The following TTC3 variants were observed in gnomAD, a reference collection of about 807,000 sequenced individuals.
TTC3 encodes E3 ubiquitin-protein ligase TTC3.
TTC3 carries 180 observed loss-of-function variants against 249.6 expected under a neutral mutation model. The ratio of observed to expected loss-of-function variants is 0.72; its 90% CI spans 0.64 to 0.82. The LOEUF (loss-of-function observed/expected upper bound fraction) is 0.82, where lower values mean the gene tolerates loss of function less well. TTC3 is among the 40% of genes least tolerant of loss of function. TTC3 has a pLI of 0.00. For missense variants in TTC3, 2,061 were observed against 2,398.4 expected (o/e 0.86, Z 2.94); for synonymous variants, 717 against 805.0 (o/e 0.89, Z 1.85).
chr21:37,189,533 C>T (rs887108583), intron 39 of TTC3, among the ~76,000 whole-genome samples: 42 of 149,400 alleles, frequency 2.8e-4, no homozygotes, highest in African/African-American at 9.2e-4. Context: ...CATGAGCCAC[C>T]GTACCTGGCC....
chr21:37,176,859 A>T (rs1467762523), intron 35 of TTC3, among the ~76,000 whole-genome samples: 1 of 152,226 alleles, frequency 6.6e-6, no homozygotes, highest in Non-Finnish European at 1.5e-5. Context: ...GTTCTCCCTT[A>T]AGAGAAGGTC....
At chr21:37,183,164 A>G (rs996118823) in intron 36 of TTC3, among the ~76,000 whole-genome samples, 16 of 152,226 alleles carry the variant, frequency 1.1e-4, no homozygotes, top group Non-Finnish European at 1.6e-4. Flanking sequence ...AGAATCCCCA[A>G]GGAACTGACT....
intron 26 of TTC3, among the ~76,000 whole-genome samples, chr21:37,152,750 A>G (rs1055226505): frequency 2.6e-5 from 4 of 152,182 alleles, no homozygotes; most frequent in African/African-American, 7.2e-5. Context: ...TACTTTTGGT[A>G]TGTTTATTTT....
intron 20 of TTC3, among the ~76,000 whole-genome samples, chr21:37,144,317 C>T (rs1280248949): frequency 7.2e-5 from 11 of 152,026 alleles, no homozygotes; most frequent in South Asian, 2.1e-4. Flanking sequence ...GTGTCCAAGA[C>T]GAGTTGTGTT....
intron 36 of TTC3, 48 bp downstream of exon 36, chr21:37,182,961 G>A: frequency 7.1e-7 from 1 of 1,412,218 alleles, no homozygotes; most frequent in Non-Finnish European, 9.4e-7. Context: ...AAAAAATATT[G>A]TGGCTTTTGG....
intron 21 of TTC3, among the ~76,000 whole-genome samples, chr21:37,147,280 T>C (rs1569050674): frequency 6.6e-6 from 1 of 152,226 alleles, no homozygotes; most frequent in Non-Finnish European, 1.5e-5. Context: ...CAGTCCTCTT[T>C]TTAAATCTCT....
chr21:37,090,160 C>A, intron 5 of TTC3, 73 bp from the exon 6 acceptor site: 1 of 1,152,660 alleles, frequency 8.7e-7, no homozygotes, highest in South Asian at 1.4e-5. Context: ...AAAATGTAGG[C>A]CATTTTTCCG....
intron 21 of TTC3, among the ~76,000 whole-genome samples, chr21:37,146,692 G>C (rs2079014397): frequency 6.6e-6 from 1 of 152,172 alleles, no homozygotes; most frequent in Non-Finnish European, 1.5e-5. Context: ...TGCTGGGCCT[G>C]GAAGGTTAGG....
chr21:37,118,896 T>A (rs1392713581), intron 11 of TTC3, among the ~76,000 whole-genome samples: 1 of 152,196 alleles, frequency 6.6e-6, no homozygotes, highest in Non-Finnish European at 1.5e-5. Context: ...GAGGTTAAAT[T>A]TGGGTCTTTC....
At chr21:37,122,054 A>G in intron 12 of TTC3, 75 bp downstream of exon 12, 2 of 1,333,790 alleles carry the variant, frequency 1.5e-6, no homozygotes, top group Admixed American at 2.4e-5. Flanking sequence ...TCTTGGATTA[A>G]CAGAGGACCA....
intron 1 of TTC3, chr21:37,082,589 A>G: frequency 1.0e-6 from 1 of 985,382 alleles, no homozygotes; most frequent in Non-Finnish European, 1.2e-6. Flanking sequence ...TCTTGGCACC[A>G]CTACTTGTAG....
chr21:37,075,215 A>G (rs575808487), intron 1 of TTC3, among the ~76,000 whole-genome samples: 1 of 151,940 alleles, frequency 6.6e-6, no homozygotes, highest in Non-Finnish European at 1.5e-5. Flanking sequence ...TATATGAACA[A>G]ATTGAATGAT....
chr21:37,172,815 G>A, intron 35 of TTC3, 71 bp downstream of exon 35: 2 of 1,555,724 alleles, frequency 1.3e-6, no homozygotes, highest in Non-Finnish European at 1.7e-6. Context: ...AGCTGTGCTT[G>A]TGCGGCCTCA....
chr21:37,079,408 T>C (rs2071310188), intron 1 of TTC3, among the ~76,000 whole-genome samples: 1 of 152,106 alleles, frequency 6.6e-6, no homozygotes. Flanking sequence ...CTTGGAGGTT[T>C]AGTAGTAATT....
intron 10 of TTC3, among the ~76,000 whole-genome samples, chr21:37,101,703 A>G (rs2074520195): frequency 6.6e-6 from 1 of 151,872 alleles, no homozygotes; most frequent in Non-Finnish European, 1.5e-5. Context: ...AGGCAGTTTT[A>G]TTTGGTTTAA....
intron 18 of TTC3, among the ~76,000 whole-genome samples, chr21:37,136,591 T>A (rs1036361312): frequency 6.6e-6 from 1 of 152,214 alleles, no homozygotes; most frequent in Non-Finnish European, 1.5e-5. Flanking sequence ...AAGAATAGTT[T>A]GAAACTAGCA....
chr21:37,135,053 TG>T, intron 17 of TTC3, among the ~76,000 whole-genome samples: 1 of 152,330 alleles, frequency 6.6e-6, no homozygotes, highest in African/African-American at 2.4e-5. Context: ...TGATGGCTGT[TG>T]TTTTTCATAT....
intron 10 of TTC3, among the ~76,000 whole-genome samples, chr21:37,099,860 T>C (rs1275159816): frequency 6.6e-6 from 1 of 151,900 alleles, no homozygotes; most frequent in African/African-American, 2.4e-5. Flanking sequence ...TTTGTAAGAG[T>C]AAAGAAATGA....
At chr21:37,106,168 A>T (rs145558412) in intron 10 of TTC3, among the ~76,000 whole-genome samples, 2 of 152,228 alleles carry the variant, frequency 1.3e-5, no homozygotes, top group Non-Finnish European at 2.9e-5. Context: ...TTGATTAAGG[A>T]TGTTTCAGAT....
Sources: gnomAD v4.1 joint callset for allele counts (sites outside exome capture counted in the v4.1 genomes callset) on GRCh38, gnomAD v4.1.1 for gene constraint, MANE v1.5 for transcripts, NCBI Gene and HGNC (gene_info 2026-07-23, HGNC 2026-07-21) for gene names.